Variants in C1orf21 observed in about 807,000 individuals in gnomAD.
C1orf21 encodes chromosome 1 open reading frame 21.
A neutral mutation model predicts 18.7 loss-of-function variants in C1orf21; 3 were observed. The ratio of observed to expected loss-of-function variants is 0.16; its 90% CI spans 0.07 to 0.42. C1orf21 has a LOEUF of 0.42. C1orf21 is among the 10% of genes least tolerant of loss of function. The pLI is 0.99. For missense variants in C1orf21, 104 were observed against 143.6 expected (o/e 0.72, Z 1.41); for synonymous variants, 41 against 46.4 (o/e 0.88, Z 0.47).
intron 2 of C1orf21, among the ~76,000 whole-genome samples, chr1:184,493,533 A>G (rs1353943333): frequency 6.6e-6 from 1 of 152,212 alleles, no homozygotes. Context: ...AAGACAAGCT[A>G]AATTACATTT....
chr1:184,441,263 C>T (rs1339959732), intron 1 of C1orf21, among the ~76,000 whole-genome samples: 3 of 152,212 alleles, frequency 2.0e-5, no homozygotes, highest in African/African-American at 7.2e-5. Context: ...ACTTCTCTTT[C>T]TCCATTAACT....
At chr1:184,567,340 G>A in intron 3 of C1orf21, 2 of 469,778 alleles carry the variant, frequency 4.3e-6, no homozygotes, top group Non-Finnish European at 8.5e-6. Context: ...AGGAAAGCAG[G>A]ACCTGTTTCA....
At position 184,394,363 on chromosome 1, in the gene C1orf21, T is replaced by C. The variant is rs138359424; in HGVS notation, c.-125+6995T>C. ...ATATTTTACTTTGCCTGGTGACTTATGGTTTTTCCCACCTGAACTGGGTGA... is the reference window on the plus strand; with the variant it reads ...ATATTTTACTTTGCCTGGTGACTTACGGTTTTTCCCACCTGAACTGGGTGA... On this transcript the variant is annotated intron_variant, in intron 1 of 5. Transcript: ENST00000235307. 8.7e-3 allele frequency among the ~76,000 whole-genome samples: 1,325 copies of C among 152,034 alleles called. 17 individuals are homozygous for C. Among genetic ancestry groups the C allele is most frequent in the African/African-American group, 0.031 (1,264 of 41,260 alleles).
At chr1:184,585,185 G>C (rs1350470980) in intron 3 of C1orf21, among the ~76,000 whole-genome samples, 1 of 152,172 alleles carries the variant, frequency 6.6e-6, no homozygotes, top group African/African-American at 2.4e-5. Context: ...TGGTCAAAGT[G>C]TGGTCTGGGG....
chr1:184,507,807 T>A, intron 3 of C1orf21, 125 bp downstream of exon 3: 2 of 747,026 alleles, frequency 2.7e-6, no homozygotes, highest in Non-Finnish European at 4.2e-6. Context: ...TGCAGCTATT[T>A]ATAGCTTGCC....
intron 1 of C1orf21, among the ~76,000 whole-genome samples, chr1:184,409,909 C>T (rs1040103565): frequency 6.6e-6 from 1 of 151,984 alleles, no homozygotes; most frequent in African/African-American, 2.4e-5. Context: ...TAATGGCAGG[C>T]AAAGACAGCA....
intron 5 of C1orf21, among the ~76,000 whole-genome samples, chr1:184,617,610 A>T (rs1558016211): frequency 6.6e-6 from 1 of 152,270 alleles, no homozygotes; most frequent in East Asian, 1.9e-4. Flanking sequence ...TGCCCATGGG[A>T]TGACTGGCAA....
chr1:184,458,042 A>G (rs1657247582), intron 1 of C1orf21, among the ~76,000 whole-genome samples: 1 of 152,162 alleles, frequency 6.6e-6, no homozygotes, highest in Admixed American at 6.5e-5. Flanking sequence ...ATTTAGAGTA[A>G]TTAACTTTCT....
chr1:184,525,652 G>T (rs1024478936), intron 3 of C1orf21, among the ~76,000 whole-genome samples: 1 of 152,120 alleles, frequency 6.6e-6, no homozygotes, highest in African/African-American at 2.4e-5. Context: ...GGTTATGGGA[G>T]ATTATTTTTA....
intron 1 of C1orf21, among the ~76,000 whole-genome samples, chr1:184,469,328 G>C (rs58373918): frequency 0.023 from 3,530 of 152,162 alleles, 65 homozygotes; most frequent in African/African-American, 0.057. Context: ...ATGATCTTTC[G>C]TGTGTTTATT....
intron 3 of C1orf21, among the ~76,000 whole-genome samples, chr1:184,584,508 T>C (rs1263970444): frequency 6.6e-6 from 1 of 152,198 alleles, no homozygotes; most frequent in Admixed American, 6.5e-5. Flanking sequence ...GAAAACAGTT[T>C]GGAAGGTCTT....
chr1:184,542,008 T>A (rs145745868), intron 3 of C1orf21, among the ~76,000 whole-genome samples: 117 of 152,270 alleles, frequency 7.7e-4, no homozygotes, highest in African/African-American at 2.8e-3. Context: ...AGGGCGAAGG[T>A]GATTGAACTG....
chr1:184,557,403 C>T (rs1055492562), intron 3 of C1orf21, among the ~76,000 whole-genome samples: 1 of 152,134 alleles, frequency 6.6e-6, no homozygotes, highest in Admixed American at 6.5e-5. Flanking sequence ...TCGCCCCACT[C>T]CCACCCTTTC....
intron 3 of C1orf21, among the ~76,000 whole-genome samples, chr1:184,565,151 G>A (rs749490686): frequency 6.6e-6 from 1 of 152,128 alleles, no homozygotes; most frequent in Non-Finnish European, 1.5e-5. Context: ...AGGTTGACCT[G>A]GTTACTTTTC....
chr1:184,574,199 T>A (rs1232802600), intron 3 of C1orf21, among the ~76,000 whole-genome samples: 1 of 152,148 alleles, frequency 6.6e-6, no homozygotes, highest in East Asian at 1.9e-4. Context: ...AGAAAGACTC[T>A]GTCTCAAAAC....
intron 1 of C1orf21, among the ~76,000 whole-genome samples, chr1:184,420,308 C>T (rs1656525715): frequency 6.6e-6 from 1 of 151,490 alleles, no homozygotes; most frequent in African/African-American, 2.4e-5. Flanking sequence ...GGGGGGTGGG[C>T]TGGTTTTTCC....
chr1:184,477,557 G>C lies in C1orf21; in HGVS notation c.48G>C (p.Glu16Asp), dbSNP rs746110303. ...ATGTTGCCACTGTTCAAAATGAAGA[G>C]GAAGCCCAGAAAGGGAAAAACTACC... ...AKHVATVQNE[E>D]EAQKGKNYQN... The change falls in exon 2 of 6, where the codon GAG becomes GAC. Residue 16 changes from glutamate to aspartate, a missense_variant. Coordinates refer to ENST00000235307, the MANE Select transcript of C1orf21 (RefSeq NM_030806.4). The C allele has an allele frequency of 6.2e-7, 1 of 1,613,880 alleles. No individual in the cohort carries two copies. The highest frequency in any genetic ancestry group is 1.7e-5 in the Admixed American group (1 of 59,982).
intron 2 of C1orf21, among the ~76,000 whole-genome samples, chr1:184,483,646 C>G (rs1211189587): frequency 6.6e-6 from 1 of 152,196 alleles, no homozygotes; most frequent in Non-Finnish European, 1.5e-5. Context: ...GACAGCCCAT[C>G]ACCCCAAGAA....
intron 1 of C1orf21, among the ~76,000 whole-genome samples, chr1:184,404,780 A>C (rs1656218710): frequency 6.6e-6 from 1 of 152,142 alleles, no homozygotes; most frequent in Non-Finnish European, 1.5e-5. Flanking sequence ...ATCAATTTTA[A>C]GCTTGCTTTT....
Sources: allele counts gnomAD v4.1 joint callset (sites outside exome capture counted in the v4.1 genomes callset), GRCh38; gene constraint gnomAD v4.1.1; transcripts MANE v1.5; gene names NCBI Gene and HGNC (gene_info 2026-07-23, HGNC 2026-07-21).